The following WDR62 variants were observed in gnomAD, a reference collection of about 807,000 sequenced individuals.
WDR62 encodes the protein WD repeat-containing protein 62.
WDR62 carries 112 observed loss-of-function variants against 160.6 expected under a neutral mutation model. The observed-to-expected ratio is 0.70, with a 90% CI of 0.60 to 0.82. WDR62 has a LOEUF of 0.82. Ranked by LOEUF, WDR62 falls within the 40% of genes least tolerant of loss-of-function variation. The pLI, the probability that WDR62 is intolerant of heterozygous loss-of-function variation, is 0.00. For synonymous variants in WDR62, 792 were observed against 815.1 expected (o/e 0.97, Z 0.48); for missense variants, 1,819 against 1,983.8 (o/e 0.92, Z 1.58).
At chr19:36,066,477 C>G (rs1325029716) in intron 5 of WDR62, 50 bp downstream of exon 5, 2 of 1,554,034 alleles carry the variant, frequency 1.3e-6, no homozygotes, top group Admixed American at 3.9e-5. Context: ...GCCACAGCAT[C>G]CTATGTCTTG....
chr19:36,060,022 C>G lies in WDR62; in HGVS notation c.324C>G (p.Asn108Lys). Residue 108 changes from asparagine (N) to lysine (K), a missense_variant, in exon 3 of 32, where the codon AAC becomes AAG. Physicochemically the swap from Asn to Lys is moderately conservative, Grantham distance 94 (BLOSUM62 0). Transcript: ENST00000401500. Reference protein sequence around the residue: ...PKENKQQHIFNTARKSLSALA... With the variant: ...PKENKQQHIFKTARKSLSALA... The stretch of plus-strand genomic sequence containing the variant: ...AGAACAAGCAGCAGCACATCTTTAA[C>G]ACCGCCAGGTAGGCTGAGGCCTGGG... The G allele has an allele frequency of 6.2e-7, 1 of 1,614,230 alleles. No individual in the cohort carries two copies. Among genetic ancestry groups the G allele is most frequent in the Non-Finnish European group, 8.5e-7 (1 of 1,180,040 alleles).
chr19:36,105,141 A>G, downstream of WDR62: 1 of 1,382,412 alleles, frequency 7.2e-7, no homozygotes. Flanking sequence ...CCTATCCACA[A>G]AGCCCTCTTC....
chr19:36,101,973 TG>T, intron 25 of WDR62, 40 bp from the exon 26 acceptor site: 1 of 1,613,706 alleles, frequency 6.2e-7, no homozygotes, highest in Non-Finnish European at 8.5e-7. Context: ...CTGTGACTCA[TG>T]GTGTTGGCTC....
rs1170403083 is a variant in WDR62, at chr19:36,081,439, C to T, written c.1240C>T (p.Pro414Ser). 6.8e-6 allele frequency: 11 copies of T among 1,613,758 alleles called. No individual in the cohort carries two copies. Among genetic ancestry groups the T allele is most frequent in the African/African-American group, 1.3e-5 (1 of 74,794 alleles). ...TGTCCTCTGGGAACTGTAGGTGTAT[C>T]CTGAGTTTGAAGACCAGAGAGCTTG... ...SSYVWNVEVY[P>S]EFEDQRACLP... is the part of the protein sequence containing the mutation. Residue 414 changes from proline to serine, a missense_variant, in exon 10 of 32, where the codon CCT becomes TCT. Physicochemically the swap from Pro to Ser is moderately conservative, Grantham distance 74. This residue lies in a region of WDR62 where 934 missense variants were observed against 1,157.2 expected (regional missense o/e 0.81). Transcript: ENST00000401500.
rs61743589 is a variant in WDR62 at position 36,103,502 on chromosome 19, G to A, written c.3674G>A (p.Arg1225His). 6,519 of 1,614,042 alleles carry A rather than the reference G, an allele frequency of 4.0e-3. 214 individuals are homozygous for A. The African/African-American group carries it at 0.073, about 18-fold the overall frequency. The change falls in exon 30 of 32, where the codon CGT (arginine) becomes CAT (histidine). Residue 1225 changes from arginine to histidine, a missense_variant. Arg to His is a conservative substitution (Grantham distance 29). This residue lies in a region of WDR62 where 770 missense variants were observed against 734.2 expected (regional missense o/e 1.05). Coordinates refer to ENST00000401500, the MANE Select transcript of WDR62 (RefSeq NM_001083961.2). Reference protein sequence around the residue: ...CSYMEATASSRARISRSISLG... With the variant: ...CSYMEATASSHARISRSISLG... ...TACATGGAGGCCACTGCCAGCTCCC[G>A]TGCCAGGATATCACGCAGCATCTCC...
intron 12 of WDR62, among the ~76,000 whole-genome samples, chr19:36,085,812 C>T (rs80220509): frequency 1.3e-5 from 2 of 152,160 alleles, no homozygotes; most frequent in East Asian, 3.9e-4. Flanking sequence ...TGCTCTGTCA[C>T]CCAGATGATA....
intron 8 of WDR62, among the ~76,000 whole-genome samples, chr19:36,072,061 C>T (rs894390684): frequency 8.5e-5 from 13 of 152,222 alleles, no homozygotes; most frequent in African/African-American, 3.1e-4. Context: ...AGTGCCAGCC[C>T]TGGGCTGGAA....
At chr19:36,106,826 G>C (rs1419989177), downstream of WDR62, among the ~76,000 whole-genome samples, 4 of 152,180 alleles carry the variant, frequency 2.6e-5, no homozygotes, top group Non-Finnish European at 4.4e-5. Flanking sequence ...CTAAATCTCT[G>C]CTCTTAATGT....
At chr19:36,096,928 C>A in intron 20 of WDR62, 99 bp from the exon 21 acceptor site, 1 of 1,093,730 alleles carries the variant, frequency 9.1e-7, no homozygotes, top group Non-Finnish European at 1.4e-6. Context: ...CTTCTGACTT[C>A]TGGGTTGTGG....
chr19:36,101,481 C>G (rs1973333403), intron 24 of WDR62, 164 bp downstream of exon 24: 1 of 809,782 alleles, frequency 1.2e-6, no homozygotes, highest in South Asian at 1.5e-5. Flanking sequence ...CAGCTGCCTA[C>G]AGCTGAGAGC....
chr19:36,093,890 A>T, intron 19 of WDR62, 141 bp from the exon 20 acceptor site: 1 of 997,278 alleles, frequency 1.0e-6, no homozygotes, highest in Non-Finnish European at 1.6e-6. Context: ...GCATCAAGTG[A>T]GAGACTTGCC....
rs1555712171 is a variant in WDR62 at position 36,066,406 on chromosome 19, G to A, written c.540G>A (p.Val180=). The A allele has an allele frequency of 1.2e-6, 2 of 1,607,444 alleles. No homozygotes were observed. Among genetic ancestry groups the A allele is most frequent in the Non-Finnish European group, 8.5e-7 (1 of 1,176,962 alleles). Residue 180 remains valine (V), a synonymous_variant, in exon 5 of 32, where the codon GTG becomes GTA. Transcript: ENST00000401500. ...IVSMGYQHDM[V]LNVWDWKKDI... is the part of the protein sequence containing the mutation. Reference sequence around the variant, plus strand: ...CCATGGGCTACCAACATGACATGGTGCTCAACGTCTGGGACTGGAAGGTAA... The same window carrying A: ...CCATGGGCTACCAACATGACATGGTACTCAACGTCTGGGACTGGAAGGTAA...
rs561816673 is a variant in WDR62, at chr19:36,055,000, C to T, written c.29C>T (p.Ala10Val). The T allele has an allele frequency of 2.5e-6, 4 of 1,606,926 alleles. No homozygotes were observed. The highest frequency in any genetic ancestry group is 1.3e-5 in the African/African-American group (1 of 75,002). ...GCGGCCGTAGGGTCCGGAGGCTATGCGCGGAACGATGCAGGGGAGAAGCTG... is the reference window on the plus strand; with the variant it reads ...GCGGCCGTAGGGTCCGGAGGCTATGTGCGGAACGATGCAGGGGAGAAGCTG... MAAVGSGGY[A>V]RNDAGEKLPS... Residue 10 changes from alanine (A) to valine (V), a missense_variant, in exon 1 of 32, where the codon GCG (alanine) becomes GTG (valine). By Grantham distance (64) the Ala-to-Val change is moderately conservative. Coordinates refer to ENST00000401500, the MANE Select transcript of WDR62 (RefSeq NM_001083961.2).
chr19:36,102,146 G>GC lies in WDR62; in HGVS notation c.3216dup (p.Arg1073GlnfsTer15). The GC allele has an allele frequency of 6.2e-7, 1 of 1,613,898 alleles. No homozygotes were observed. Among genetic ancestry groups the GC allele is most frequent in the Non-Finnish European group, 8.5e-7 (1 of 1,180,032 alleles). ...TTTGAGACACTGACTGAGTCCCCCT[G>GC]CAGAGGTAGGGCCCTGCCTCACCCA... On this transcript the variant is annotated frameshift_variant, in exon 26 of 32. Coordinates refer to ENST00000401500, the MANE Select transcript of WDR62 (RefSeq NM_001083961.2). LOFTEE classifies it high-confidence loss of function.
At chr19:36,071,888 T>C (rs1402634840) in intron 8 of WDR62, among the ~76,000 whole-genome samples, 172 bp downstream of exon 8, 1 of 152,208 alleles carries the variant, frequency 6.6e-6, no homozygotes, top group East Asian at 1.9e-4. Context: ...GAGGCAAGCC[T>C]CACAGTGAGA....
In WDR62 at chr19:36,094,090, C is replaced by T; in HGVS notation, c.2393C>T (p.Thr798Ile). 6.2e-7 allele frequency: 1 copy of T among 1,614,158 alleles called. No homozygotes were observed. Among genetic ancestry groups the T allele is most frequent in the Non-Finnish European group, 8.5e-7 (1 of 1,180,028 alleles). Reference protein sequence around the residue: ...EIHSLSPGEQTEDDLEEECEP... With the variant: ...EIHSLSPGEQIEDDLEEECEP... ...CACTCCCTGAGCCCTGGAGAGCAAACAGAGGATGATCTGGAGGAAGAGTGT... is the reference window on the plus strand; with the variant it reads ...CACTCCCTGAGCCCTGGAGAGCAAATAGAGGATGATCTGGAGGAAGAGTGT... Residue 798 changes from threonine (T) to isoleucine (I), a missense_variant, in exon 20 of 32, where the codon ACA becomes ATA. Physicochemically the swap from Thr to Ile is moderately conservative, Grantham distance 89. Coordinates refer to ENST00000401500, the MANE Select transcript of WDR62 (RefSeq NM_001083961.2).
chr19:36,079,622 G>A (rs1430888228), intron 9 of WDR62, among the ~76,000 whole-genome samples: 2 of 152,182 alleles, frequency 1.3e-5, no homozygotes, highest in Non-Finnish European at 2.9e-5. Flanking sequence ...TGCTGTTGGG[G>A]TGGATGAAAC....
At chr19:36,099,777 C>G (rs978625976) in intron 22 of WDR62, among the ~76,000 whole-genome samples, 160 bp downstream of exon 22, 1 of 152,200 alleles carries the variant, frequency 6.6e-6, no homozygotes, top group Non-Finnish European at 1.5e-5. Context: ...AGCAAGACTT[C>G]CCAAGGCAGA....
chr19:36,106,018 TAAAAC>T (rs377223413), downstream of WDR62, among the ~76,000 whole-genome samples: 218 of 152,148 alleles, frequency 1.4e-3, no homozygotes, highest in African/African-American at 5.0e-3. Context: ...TCTCTTTAAA[TAAAAC>T]AAAATAAAAC....
Sources: gnomAD v4.1 joint callset for allele counts (sites outside exome capture counted in the v4.1 genomes callset) on GRCh38, gnomAD v4.1.1 for gene constraint, gnomAD v4.1.1 regional missense constraint, MANE v1.5 for transcripts, NCBI Gene and HGNC (gene_info 2026-07-23, HGNC 2026-07-21) for gene names.